TUBD1: variants seen among roughly 807,000 people sequenced by gnomAD.
TUBD1 encodes the protein tubulin delta chain.
In TUBD1, 38 loss-of-function variants were observed where a neutral mutation model predicts 51.2. That is an observed-to-expected ratio of 0.74 (90% CI 0.57 to 0.97). The LOEUF (loss-of-function observed/expected upper bound fraction) is 0.97, where lower values mean the gene tolerates loss of function less well. Ranked by LOEUF, TUBD1 falls within the 50% of genes least tolerant of loss-of-function variation. The probability of loss-of-function intolerance (pLI) is 0.00; values close to 1 mark genes in which losing one functional copy is unlikely to be tolerated. For synonymous variants in TUBD1, 169 were observed against 178.2 expected (o/e 0.95, Z 0.41); for missense variants, 489 against 538.4 (o/e 0.91, Z 0.91).
rs995282855 is a variant in TUBD1 at position 59,859,588 on chromosome 17, G to A, written c.*734C>T. ...CTGTTACAGAATATTCAAAATACATGTTCACACTGTAGCATTTGACAACAT... is the reference window on the plus strand; with the variant it reads ...CTGTTACAGAATATTCAAAATACATATTCACACTGTAGCATTTGACAACAT... On this transcript the variant is annotated 3_prime_UTR_variant, in exon 9 of 9. Coordinates refer to ENST00000325752, the MANE Select transcript of TUBD1 (RefSeq NM_016261.4). 5.9e-5 allele frequency: 9 copies of A among 152,550 alleles called. No homozygotes were observed. The highest frequency in any genetic ancestry group is 2.2e-4 in the African/African-American group (9 of 41,412). The allele number at this position is 152,550 out of a possible 1,614,324, so 9.4% of individuals were successfully genotyped here.
chr17:59,866,789 T>A (rs1243955309), intron 6 of TUBD1, 40 bp from the exon 7 acceptor site: 1 of 1,548,322 alleles, frequency 6.5e-7, no homozygotes, highest in African/African-American at 1.4e-5. Flanking sequence ...TTATTTTATT[T>A]ACTTAGTTTT....
At chr17:59,872,736 G>A (rs1373774013) in intron 6 of TUBD1, among the ~76,000 whole-genome samples, 1 of 148,844 alleles carries the variant, frequency 6.7e-6, no homozygotes, top group East Asian at 2.0e-4. Flanking sequence ...GTGTCTGTGT[G>A]TGTAGAGGGG....
intron 3 of TUBD1, chr17:59,885,520 A>T: frequency 6.4e-7 from 1 of 1,573,798 alleles, no homozygotes; most frequent in Non-Finnish European, 8.7e-7. Context: ...TGATCCCTCC[A>T]AAGAACCTGA....
chr17:59,881,413 A>G (rs933943374), intron 3 of TUBD1, among the ~76,000 whole-genome samples: 3 of 152,196 alleles, frequency 2.0e-5, no homozygotes, highest in Admixed American at 2.0e-4. Flanking sequence ...AAAAAATTGC[A>G]ACCTCTGGCA....
chr17:59,863,514 C>CA (rs1301233763), intron 8 of TUBD1, 150 bp downstream of exon 8: 1 of 475,568 alleles, frequency 2.1e-6, no homozygotes, highest in Non-Finnish European at 3.4e-6. Flanking sequence ...GAGGCTGCAG[C>CA]AGGAGAATCA....
At chr17:59,872,217 T>C (rs2040013561) in intron 6 of TUBD1, among the ~76,000 whole-genome samples, 1 of 152,162 alleles carries the variant, frequency 6.6e-6, no homozygotes, top group South Asian at 2.1e-4. Context: ...CCTCCCAAAG[T>C]GCTGGCTCAC....
intron 6 of TUBD1, among the ~76,000 whole-genome samples, chr17:59,870,877 C>T (rs2039953498): frequency 1.3e-5 from 2 of 152,156 alleles, no homozygotes; most frequent in African/African-American, 2.4e-5. Flanking sequence ...AATCACTGAG[C>T]GTTTACCGTT....
At chr17:59,876,888 G>A (rs1237711866) in intron 5 of TUBD1, among the ~76,000 whole-genome samples, 1 of 150,326 alleles carries the variant, frequency 6.7e-6, no homozygotes, top group Non-Finnish European at 1.5e-5. Flanking sequence ...TTTTTAAATG[G>A]AGTCTCGCTG....
At chr17:59,860,592 CTTTTTT>C in intron 8 of TUBD1, among the ~76,000 whole-genome samples, 168 bp from the exon 9 acceptor site, 1 of 144,312 alleles carries the variant, frequency 6.9e-6, no homozygotes, top group East Asian at 2.0e-4. Flanking sequence ...AGTGAACTTT[CTTTTTT>C]TTTTTTGAGA....
intron 6 of TUBD1, among the ~76,000 whole-genome samples, chr17:59,872,694 A>ATGTG (rs60720420): frequency 0.053 from 7,511 of 142,612 alleles, 238 homozygotes; most frequent in East Asian, 0.075. Context: ...GAAAATGGGA[A>ATGTG]TGTGTGTGTG....
intron 6 of TUBD1, among the ~76,000 whole-genome samples, chr17:59,868,194 G>C (rs1021643567): frequency 7.2e-6 from 1 of 139,494 alleles, no homozygotes; most frequent in Non-Finnish European, 1.5e-5. Context: ...TGAGGCAGGA[G>C]AATCGTTTGA....
intron 3 of TUBD1, chr17:59,884,613 C>CA: frequency 6.6e-6 from 1 of 151,346 alleles, no homozygotes; most frequent in East Asian, 2.0e-4. Flanking sequence ...GACTCCGTCT[C>CA]AAAAAAATAA....
intron 3 of TUBD1, chr17:59,884,873 A>AG (rs1450331502): frequency 5.4e-6 from 1 of 183,656 alleles, no homozygotes; most frequent in African/African-American, 2.4e-5. Context: ...CACTGAGTCG[A>AG]GATCATGCCA....
rs1452988333 is a variant in TUBD1, at chr17:59,890,816, GT to G, written c.172+14del. On this transcript the variant is annotated intron_variant, in intron 2 of 8. Coordinates refer to ENST00000325752, the MANE Select transcript of TUBD1 (RefSeq NM_016261.4). Reference sequence around the variant, plus strand: ...TTAGATCAGAGTAAAGGAGAGGACTGTGGGCCACACCTACCTCCATTCTCCT... The same window carrying G: ...TTAGATCAGAGTAAAGGAGAGGACTGGGGCCACACCTACCTCCATTCTCCT... The G allele has an allele frequency of 1.3e-6, 2 of 1,598,798 alleles. No individual in the cohort carries two copies. Among genetic ancestry groups the G allele is most frequent in the Non-Finnish European group, 8.5e-7 (1 of 1,173,206 alleles).
chr17:59,871,053 T>G (rs1296272878), intron 6 of TUBD1, among the ~76,000 whole-genome samples: 1 of 152,172 alleles, frequency 6.6e-6, no homozygotes, highest in Non-Finnish European at 1.5e-5. Flanking sequence ...CAGAACAACC[T>G]GAGACTTCTC....
At chr17:59,891,881 CCT>C (rs1381866432) in intron 1 of TUBD1, 1 of 152,038 alleles carries the variant, frequency 6.6e-6, no homozygotes, top group Non-Finnish European at 1.5e-5. Context: ...GGGAGGATCC[CCT>C]GAGCCTGGGA....
chr17:59,886,343 A>AGG, intron 2 of TUBD1, 113 bp from the exon 3 acceptor site: 2 of 1,119,108 alleles, frequency 1.8e-6, no homozygotes, highest in Non-Finnish European at 2.5e-6. Context: ...AAAAAATTCC[A>AGG]GGGGTTGTGG....
intron 2 of TUBD1, among the ~76,000 whole-genome samples, chr17:59,889,967 C>CAAA (rs35427875): frequency 1.0e-4 from 7 of 69,362 alleles, no homozygotes; most frequent in African/African-American, 2.7e-4. Context: ...GAGACTCTCT[C>CAAA]AAAAAAAAAA....
intron 8 of TUBD1, among the ~76,000 whole-genome samples, chr17:59,861,100 G>T (rs2039421394): frequency 6.6e-6 from 1 of 151,968 alleles, no homozygotes; most frequent in African/African-American, 2.4e-5. Context: ...CATCAGTCCA[G>T]TTCTAGGAAT....
Sources: gnomAD v4.1 joint callset for allele counts (sites outside exome capture counted in the v4.1 genomes callset) on GRCh38, gnomAD v4.1.1 for gene constraint, MANE v1.5 for transcripts, NCBI Gene and HGNC (gene_info 2026-07-23, HGNC 2026-07-21) for gene names.